Variants in NAV2 observed in about 807,000 individuals in gnomAD.
NAV2 encodes the protein helicase, APC down-regulated 1.
In NAV2, 54 loss-of-function variants were observed where a neutral mutation model predicts 223.2. The observed-to-expected ratio is 0.24, with a 90% CI of 0.19 to 0.30. NAV2 has a LOEUF of 0.30. NAV2 is among the 10% of genes least tolerant of loss of function. The probability of loss-of-function intolerance (pLI) is 1.00; values close to 1 mark genes in which losing one functional copy is unlikely to be tolerated. For missense variants in NAV2, 2,806 were observed against 3,147.5 expected (o/e 0.89, Z 2.60); for synonymous variants, 1,279 against 1,239.3 (o/e 1.03, Z -0.67).
At chr11:19,669,980 G>A (rs2135796800) in intron 1 of NAV2, among the ~76,000 whole-genome samples, 1 of 152,066 alleles carries the variant, frequency 6.6e-6, no homozygotes, top group East Asian at 1.9e-4. Flanking sequence ...TCAGGAAAAA[G>A]CCCTAATGCT....
intron 1 of NAV2, among the ~76,000 whole-genome samples, chr11:19,408,128 G>A (rs1354837055): frequency 1.3e-5 from 2 of 152,142 alleles, no homozygotes; most frequent in Admixed American, 6.5e-5. Flanking sequence ...CCACTGAGCG[G>A]CCTCATCACA....
At chr11:19,868,322 G>C (rs1426635066) in intron 3 of NAV2, among the ~76,000 whole-genome samples, 9 of 152,156 alleles carry the variant, frequency 5.9e-5, no homozygotes, top group Admixed American at 3.9e-4. Flanking sequence ...CTGGACACTG[G>C]CTTGCCCTTG....
chr11:19,943,448 G>C (rs796149770), intron 8 of NAV2, among the ~76,000 whole-genome samples: 16 of 152,326 alleles, frequency 1.1e-4, no homozygotes, highest in African/African-American at 3.8e-4. Flanking sequence ...GGTGGAAGGA[G>C]AAATTGGAAA....
intron 1 of NAV2, among the ~76,000 whole-genome samples, chr11:19,443,337 C>T (rs570627214): frequency 3.5e-4 from 53 of 152,224 alleles, no homozygotes; most frequent in Non-Finnish European, 6.6e-4. Context: ...TCTGCAATGA[C>T]GGAGAAGTAT....
At chr11:19,829,567 A>G (rs533113333) in intron 1 of NAV2, among the ~76,000 whole-genome samples, 1 of 152,300 alleles carries the variant, frequency 6.6e-6, no homozygotes, top group South Asian at 2.1e-4. Flanking sequence ...CTTTGTATGT[A>G]TGAGCTCATT....
At chr11:19,803,227 C>A (rs1441180862) in intron 1 of NAV2, among the ~76,000 whole-genome samples, 1 of 152,196 alleles carries the variant, frequency 6.6e-6, no homozygotes, top group Non-Finnish European at 1.5e-5. Flanking sequence ...CAAAACTAAA[C>A]AACAGAATCA....
At chr11:19,575,942 C>T (rs767185489) in intron 1 of NAV2, among the ~76,000 whole-genome samples, 18 of 152,292 alleles carry the variant, frequency 1.2e-4, no homozygotes, top group East Asian at 3.9e-4. Flanking sequence ...GAGCAGATTA[C>T]GGTGTGGACT....
intron 1 of NAV2, among the ~76,000 whole-genome samples, chr11:19,383,002 G>A (rs925987635): frequency 1.3e-5 from 2 of 152,132 alleles, no homozygotes; most frequent in East Asian, 1.9e-4. Flanking sequence ...GATTGGATAC[G>A]GGATGTCTGA....
At position 20,036,004 on chromosome 11, in the gene NAV2, A is replaced by G; in HGVS notation, c.2814A>G (p.Ile938Met). 6.2e-7 allele frequency: 1 copy of G among 1,614,164 alleles called. No individual in the cohort carries two copies. The highest frequency in any genetic ancestry group is 8.5e-7 in the Non-Finnish European group (1 of 1,180,012). ...SSVSSGISDT[I>M]DNLSTDDINT... The stretch of plus-strand genomic sequence containing the variant: ...TCAGCAGCGGCATCAGCGACACCAT[A>G]GACAACCTCAGCACTGATGACATCA... The change falls in exon 12 of 38, where the codon ATA becomes ATG. Residue 938 changes from isoleucine to methionine, a missense_variant. Around this residue, in one of 4 missense-constraint regions of NAV2, gnomAD observed 73 missense variants for 119.7 expected, o/e 0.61. Coordinates refer to ENST00000349880, the MANE Select transcript of NAV2 (RefSeq NM_145117.5).
intron 10 of NAV2, among the ~76,000 whole-genome samples, chr11:19,958,115 G>T (rs1323744403): frequency 1.3e-5 from 2 of 151,930 alleles, no homozygotes; most frequent in Non-Finnish European, 2.9e-5. Flanking sequence ...GCCTCCAAAT[G>T]GGCTGTTCCC....
intron 3 of NAV2, among the ~76,000 whole-genome samples, chr11:19,861,809 A>G (rs2061808843): frequency 6.6e-6 from 1 of 152,256 alleles, no homozygotes; most frequent in Non-Finnish European, 1.5e-5. Flanking sequence ...GAGAAAGCAT[A>G]CACAGAATGG....
intron 1 of NAV2, among the ~76,000 whole-genome samples, chr11:19,488,227 A>G (rs1359440469): frequency 3.3e-5 from 5 of 152,178 alleles, no homozygotes; most frequent in Non-Finnish European, 5.9e-5. Flanking sequence ...CCACCTTAGT[A>G]ATTTTGCTTT....
intron 1 of NAV2, among the ~76,000 whole-genome samples, chr11:19,728,842 A>T (rs1365728505): frequency 6.6e-6 from 1 of 152,238 alleles, no homozygotes; most frequent in Admixed American, 6.5e-5. Context: ...GTGCTCTATT[A>T]TATTAGTGTA....
chr11:19,943,058 A>G (rs2046533298), intron 8 of NAV2, among the ~76,000 whole-genome samples: 1 of 152,266 alleles, frequency 6.6e-6, no homozygotes, highest in South Asian at 2.1e-4. Context: ...GTGATGGATA[A>G]GTAAATATGG....
At chr11:19,654,466 G>A (rs914676910) in intron 1 of NAV2, among the ~76,000 whole-genome samples, 1 of 152,150 alleles carries the variant, frequency 6.6e-6, no homozygotes, top group African/African-American at 2.4e-5. Context: ...AAAGCTGGAA[G>A]CATCATGCTA....
chr11:19,944,966 C>G (rs1309658961), intron 8 of NAV2, among the ~76,000 whole-genome samples: 1 of 145,380 alleles, frequency 6.9e-6, no homozygotes, highest in African/African-American at 2.5e-5. Context: ...CCTTTCCGTT[C>G]CGTTCCTTTT....
chr11:19,816,738 G>A (rs1276970242), intron 1 of NAV2, among the ~76,000 whole-genome samples: 1 of 152,166 alleles, frequency 6.6e-6, no homozygotes, highest in African/African-American at 2.4e-5. Flanking sequence ...TTTTGCAATT[G>A]ATCATTCTGA....
At chr11:19,614,376 C>T (rs2046732043) in intron 1 of NAV2, among the ~76,000 whole-genome samples, 1 of 152,112 alleles carries the variant, frequency 6.6e-6, no homozygotes, top group African/African-American at 2.4e-5. Flanking sequence ...TCTTTTGGCT[C>T]CACCCCACCC....
chr11:19,549,695 G>A (rs545763964), intron 1 of NAV2, among the ~76,000 whole-genome samples: 3 of 152,230 alleles, frequency 2.0e-5, no homozygotes, highest in South Asian at 2.1e-4. Flanking sequence ...CGGGAGTGGT[G>A]TGCTGCAGGG....
Sources: gnomAD v4.1 joint callset for allele counts (sites outside exome capture counted in the v4.1 genomes callset) on GRCh38, gnomAD v4.1.1 for gene constraint, gnomAD v4.1.1 regional missense constraint, MANE v1.5 for transcripts, NCBI Gene and HGNC (gene_info 2026-07-23, HGNC 2026-07-21) for gene names.